Variants in NAV2 observed in about 807,000 individuals in gnomAD.
NAV2 encodes the protein neuron navigator 2.
NAV2 carries 54 observed loss-of-function variants against 223.2 expected under a neutral mutation model. That is an observed-to-expected ratio of 0.24 (90% CI 0.19 to 0.30). The LOEUF (loss-of-function observed/expected upper bound fraction) is 0.30. NAV2 is among the 10% of genes least tolerant of loss of function. The probability of loss-of-function intolerance (pLI) is 1.00; values close to 1 mark genes in which losing one functional copy is unlikely to be tolerated. For synonymous variants in NAV2, 1,279 were observed against 1,239.3 expected (o/e 1.03, Z -0.67); for missense variants, 2,806 against 3,147.5 (o/e 0.89, Z 2.60).
At chr11:20,031,401 G>A (rs1471573866) in intron 11 of NAV2, among the ~76,000 whole-genome samples, 1 of 152,190 alleles carries the variant, frequency 6.6e-6, no homozygotes, top group Non-Finnish European at 1.5e-5. Flanking sequence ...CTGCCTGAGT[G>A]AATTCTGCAT....
chr11:20,017,525 T>A (rs1463726875), intron 11 of NAV2, among the ~76,000 whole-genome samples: 1 of 152,216 alleles, frequency 6.6e-6, no homozygotes, highest in Non-Finnish European at 1.5e-5. Context: ...CCTGTTTATT[T>A]CTGTCATCAC....
At chr11:19,678,381 A>C (rs186681394) in intron 1 of NAV2, among the ~76,000 whole-genome samples, 161 of 152,328 alleles carry the variant, frequency 1.1e-3, no homozygotes, top group African/African-American at 3.6e-3. Context: ...GAGTCCAGGC[A>C]TGCTTACTCC....
In NAV2 at chr11:20,045,460, G is replaced by A; in HGVS notation, c.3692G>A (p.Arg1231Lys). The change falls in exon 14 of 38, where the codon AGG becomes AAG. Residue 1231 changes from arginine (R) to lysine (K), a missense_variant. By Grantham distance (26) the Arg-to-Lys change is conservative (BLOSUM62 2). Transcript: ENST00000349880. ...KSAGLPVPKL[R>K]EPSKTALGSS... ...GCAGGCCTGCCAGTGCCCAAACTGA[G>A]GGAGCCTTCCAAAACAGCCCTAGGC... 2.5e-6 allele frequency: 4 copies of A among 1,614,204 alleles called. No homozygotes were observed. Among genetic ancestry groups the A allele is most frequent in the Non-Finnish European group, 3.4e-6 (4 of 1,180,036 alleles).
At chr11:19,631,083 G>T (rs940958715) in intron 1 of NAV2, among the ~76,000 whole-genome samples, 11 of 149,874 alleles carry the variant, frequency 7.3e-5, no homozygotes, top group African/African-American at 2.7e-4. Context: ...TTTATCCATG[G>T]CCCTTTCTTT....
At position 20,079,373 on chromosome 11, in the gene NAV2, GA is replaced by G. The variant is rs946896443; in HGVS notation, c.5180-688del. The stretch of plus-strand genomic sequence containing the variant: ...ACTTTTTAAGGTCAGGGATTAGGGA[GA>G]AACTGAAGTGGGGCTAGAACCTGAT... On this transcript the variant is annotated intron_variant, in intron 24 of 37. Coordinates refer to ENST00000349880, the MANE Select transcript of NAV2 (RefSeq NM_145117.5). 1.0e-3 allele frequency among the ~76,000 whole-genome samples: 152 copies of G among 152,244 alleles called. 3 individuals are homozygous for G. Among genetic ancestry groups the G allele is most frequent in the African/African-American group, 3.5e-3 (147 of 41,554 alleles).
intron 36 of NAV2, among the ~76,000 whole-genome samples, chr11:20,113,212 C>T (rs773456920): frequency 2.0e-5 from 3 of 152,140 alleles, no homozygotes; most frequent in Non-Finnish European, 4.4e-5. Context: ...CTGTAAATCA[C>T]GGATATTAGT....
intron 11 of NAV2, among the ~76,000 whole-genome samples, chr11:20,016,364 A>G (rs540722299): frequency 1.3e-5 from 2 of 152,320 alleles, no homozygotes; most frequent in East Asian, 3.9e-4. Context: ...TAGAATGGGA[A>G]GGGCATAAGC....
intron 1 of NAV2, among the ~76,000 whole-genome samples, chr11:19,540,224 C>T (rs774210891): frequency 6.6e-6 from 1 of 152,166 alleles, no homozygotes; most frequent in Non-Finnish European, 1.5e-5. Flanking sequence ...CTGAGCTGCT[C>T]CTAATGTCCC....
At chr11:19,824,030 G>C (rs1345026009) in intron 1 of NAV2, among the ~76,000 whole-genome samples, 1 of 152,178 alleles carries the variant, frequency 6.6e-6, no homozygotes, top group African/African-American at 2.4e-5. Flanking sequence ...GTGGCTCTCA[G>C]AAGTGTAAAC....
chr11:20,015,316 G>T (rs1342087267), intron 11 of NAV2, among the ~76,000 whole-genome samples: 1 of 152,108 alleles, frequency 6.6e-6, no homozygotes, highest in Non-Finnish European at 1.5e-5. Context: ...TGTGGCTGTT[G>T]TTCTTAGCCA....
intron 6 of NAV2, among the ~76,000 whole-genome samples, chr11:19,897,600 G>C (rs1405672173): frequency 6.6e-6 from 1 of 151,994 alleles, no homozygotes; most frequent in African/African-American, 2.4e-5. Context: ...AAAAGGCCTA[G>C]AGACTCCCAT....
At chr11:19,776,609 G>GTGTGTGTGTGTGTGTGTGTGTGT (rs1565295714) in intron 1 of NAV2, among the ~76,000 whole-genome samples, 1 of 69,640 alleles carries the variant, frequency 1.4e-5, no homozygotes, top group African/African-American at 6.3e-5. Context: ...TGTGTGTGTG[G>GTGTGTGTGTGTGTGTGTGTGTGT]TTAGAGTTGT....
chr11:19,920,496 C>T (rs2153228580), intron 6 of NAV2, among the ~76,000 whole-genome samples: 1 of 152,182 alleles, frequency 6.6e-6, no homozygotes, highest in Non-Finnish European at 1.5e-5. Flanking sequence ...ACCATGTTAG[C>T]CAGGATGGTC....
intron 1 of NAV2, among the ~76,000 whole-genome samples, chr11:19,763,841 A>G (rs1275480250): frequency 6.6e-6 from 1 of 150,954 alleles, no homozygotes; most frequent in East Asian, 1.9e-4. Flanking sequence ...CCCCTTTGGT[A>G]ATGTAACAAA....
intron 1 of NAV2, among the ~76,000 whole-genome samples, chr11:19,705,965 T>C (rs530614790): frequency 1.3e-5 from 2 of 152,214 alleles, no homozygotes; most frequent in South Asian, 2.1e-4. Flanking sequence ...CCTTCACATA[T>C]CCAAATGCTC....
chr11:20,016,589 C>T (rs997049678), intron 11 of NAV2, among the ~76,000 whole-genome samples: 82 of 152,160 alleles, frequency 5.4e-4, no homozygotes, highest in Admixed American at 3.2e-3. Flanking sequence ...AATTGGAGCA[C>T]AGTATCACCA....
Position 19,842,877 on chromosome 11 carries a change from A to C in NAV2, c.392A>C (p.Glu131Ala), listed in dbSNP as rs2060584675. The C allele has an allele frequency of 1.9e-6, 3 of 1,613,884 alleles. No homozygotes were observed. In the African/African-American group the frequency reaches 4.0e-5, roughly 22 times the overall value. ...CTTGTGTTTCCTTTTTCAGCAAATGAAAAGATTGAAGACATCAATGGCTGT... is the reference window on the plus strand; with the variant it reads ...CTTGTGTTTCCTTTTTCAGCAAATGCAAAGATTGAAGACATCAATGGCTGT... Reference protein sequence around the residue: ...LAQIIQVVANEKIEDINGCPK... With the variant: ...LAQIIQVVANAKIEDINGCPK... The change falls in exon 3 of 38, where the codon GAA becomes GCA. Residue 131 changes from glutamate to alanine, a missense_variant. By Grantham distance (107) the Glu-to-Ala change is moderately radical. This residue lies in a region of NAV2 where 1,167 missense variants were observed against 1,180.5 expected (regional missense o/e 0.99). Coordinates refer to ENST00000349880, the MANE Select transcript of NAV2 (RefSeq NM_145117.5).
At chr11:20,065,620 G>C (rs534567446) in intron 20 of NAV2, among the ~76,000 whole-genome samples, 1 of 152,198 alleles carries the variant, frequency 6.6e-6, no homozygotes, top group African/African-American at 2.4e-5. Flanking sequence ...AGCGGCAAGG[G>C]GGGCAAGATA....
chr11:19,419,128 G>A (rs1404503437), intron 1 of NAV2, among the ~76,000 whole-genome samples: 2 of 152,184 alleles, frequency 1.3e-5, no homozygotes, highest in African/African-American at 4.8e-5. Context: ...GGCTGGCACT[G>A]TGCTGGAGTT....
Sources: gnomAD v4.1 joint callset for allele counts (sites outside exome capture counted in the v4.1 genomes callset) on GRCh38, gnomAD v4.1.1 for gene constraint, gnomAD v4.1.1 regional missense constraint, MANE v1.5 for transcripts, NCBI Gene and HGNC (gene_info 2026-07-23, HGNC 2026-07-21) for gene names.